ASTN1: variants seen among roughly 807,000 people sequenced by gnomAD.
ASTN1 encodes the protein astrotactin 1, also known as astrotactin-1.
ASTN1 carries 41 observed loss-of-function variants against 140.7 expected under a neutral mutation model. The observed-to-expected ratio is 0.29, with a 90% CI of 0.23 to 0.38. ASTN1 has a LOEUF of 0.38. Ranked by LOEUF, ASTN1 falls within the 10% of genes least tolerant of loss-of-function variation. The probability of loss-of-function intolerance (pLI) is 1.00; values close to 1 mark genes in which losing one functional copy is unlikely to be tolerated. For synonymous variants in ASTN1, 640 were observed against 652.2 expected (o/e 0.98, Z 0.29); for missense variants, 1,479 against 1,678.8 (o/e 0.88, Z 2.08).
intron 14 of ASTN1, among the ~76,000 whole-genome samples, chr1:176,937,663 G>C (rs1419631022): frequency 6.6e-6 from 1 of 152,020 alleles, no homozygotes; most frequent in East Asian, 1.9e-4. Flanking sequence ...TTTGCTATAT[G>C]TGTAAGTTAT....
At chr1:177,143,632 TTGAAA>T (rs1280923662) in intron 1 of ASTN1, among the ~76,000 whole-genome samples, 5 of 152,224 alleles carry the variant, frequency 3.3e-5, no homozygotes. Context: ...AATATGCCAC[TTGAAA>T]TGAAAGTCAC....
At chr1:177,048,329 G>A (rs954669856) in intron 2 of ASTN1, among the ~76,000 whole-genome samples, 2 of 152,170 alleles carry the variant, frequency 1.3e-5, no homozygotes, top group Admixed American at 1.3e-4. Context: ...TGGCCCAAAA[G>A]GGGAGTCTGG....
At chr1:177,006,218 GCTT>G (rs1469256342) in intron 8 of ASTN1, among the ~76,000 whole-genome samples, 1 of 152,038 alleles carries the variant, frequency 6.6e-6, no homozygotes, top group Non-Finnish European at 1.5e-5. Flanking sequence ...TACTTTTAAT[GCTT>G]CTTTATACGT....
chr1:176,935,564 CTT>C (rs1671406258), intron 15 of ASTN1, among the ~76,000 whole-genome samples: 1 of 152,174 alleles, frequency 6.6e-6, no homozygotes. Flanking sequence ...ATGCACAAAA[CTT>C]TACCCTTTGT....
intron 16 of ASTN1, among the ~76,000 whole-genome samples, chr1:176,925,812 C>CTTT (rs10658674): frequency 0.011 from 1,499 of 142,488 alleles, 38 homozygotes; most frequent in African/African-American, 0.033. Flanking sequence ...TAAAGGCATT[C>CTTT]TTTTTTTTTT....
intron 8 of ASTN1, among the ~76,000 whole-genome samples, chr1:176,970,207 T>A (rs186078410): frequency 1.0e-3 from 159 of 152,232 alleles, no homozygotes; most frequent in Non-Finnish European, 1.5e-3. Flanking sequence ...TTAGTCTAGG[T>A]GATGTGTTGG....
At position 177,077,820 on chromosome 1, in the gene ASTN1, C is replaced by T. The variant is rs568878027; in HGVS notation, c.284-16555G>A. Reference sequence around the variant, plus strand: ...CCTGAGGCCCTTCATTTCACATGCCCCCCTAGAGGTGGGCACCTCACCCAA... The same window carrying T: ...CCTGAGGCCCTTCATTTCACATGCCTCCCTAGAGGTGGGCACCTCACCCAA... On this transcript the variant is annotated intron_variant, in intron 1 of 22. Coordinates refer to ENST00000361833, the MANE Select transcript of ASTN1 (RefSeq NM_004319.3). Among the ~76,000 whole-genome samples, 333 of 152,260 alleles carry T rather than the reference C, an allele frequency of 2.2e-3. 2 individuals are homozygous for T. The highest frequency in any genetic ancestry group is 3.6e-3 in the Non-Finnish European group (248 of 68,030).
At chr1:177,089,985 A>G (rs1171880517) in intron 1 of ASTN1, among the ~76,000 whole-genome samples, 2 of 151,902 alleles carry the variant, frequency 1.3e-5, no homozygotes, top group Non-Finnish European at 2.9e-5. Flanking sequence ...ACTCACATGA[A>G]CCTACATGTA....
chr1:176,865,157 G>T (rs1037786621), intron 22 of ASTN1, among the ~76,000 whole-genome samples: 2 of 152,184 alleles, frequency 1.3e-5, no homozygotes, highest in Admixed American at 6.5e-5. Context: ...CCCTCAGAAA[G>T]TCAGGAGGCC....
chr1:177,049,831 T>C (rs181010639), intron 2 of ASTN1, among the ~76,000 whole-genome samples: 91 of 152,014 alleles, frequency 6.0e-4, no homozygotes, highest in Middle Eastern at 3.4e-3. Flanking sequence ...CCAAGGAGGG[T>C]GGTCCTGCCG....
At position 176,862,232 on chromosome 1, in the gene ASTN1, G is replaced by C. The variant is rs753926769; in HGVS notation, c.*2052C>G. 8 of 985,440 alleles carry C rather than the reference G, an allele frequency of 8.1e-6. No individual in the cohort carries two copies. The highest frequency in any genetic ancestry group is 9.6e-6 in the Non-Finnish European group (8 of 829,964). The allele number at this position is 985,440 out of a possible 1,614,324, so 61.0% of individuals were successfully genotyped here. The stretch of plus-strand genomic sequence containing the variant: ...TTGCTTTGAAAGTAGGGGAATCTCT[G>C]AGGCAGGTGCATTAGAGAGTTTGAA... On this transcript the variant is annotated 3_prime_UTR_variant, in exon 23 of 23. Coordinates refer to ENST00000361833, the MANE Select transcript of ASTN1 (RefSeq NM_004319.3).
intron 1 of ASTN1, among the ~76,000 whole-genome samples, chr1:177,143,044 A>G (rs1314866405): frequency 6.6e-6 from 1 of 152,182 alleles, no homozygotes; most frequent in African/African-American, 2.4e-5. Context: ...CCTTCTAGCT[A>G]TCTGCACAGC....
chr1:177,149,551 A>G (rs1404248947), intron 1 of ASTN1, among the ~76,000 whole-genome samples: 1 of 83,510 alleles, frequency 1.2e-5, no homozygotes, highest in African/African-American at 7.0e-5. Context: ...TAGTATATAT[A>G]TAGTAAATAT....
chr1:177,114,680 G>C (rs939648670), intron 1 of ASTN1, among the ~76,000 whole-genome samples: 4 of 152,076 alleles, frequency 2.6e-5, no homozygotes, highest in Non-Finnish European at 5.9e-5. Context: ...GTGTGTGTGT[G>C]TTTAGTGCTA....
intron 8 of ASTN1, among the ~76,000 whole-genome samples, chr1:177,007,215 G>A (rs573823327): frequency 2.4e-4 from 36 of 152,070 alleles, no homozygotes; most frequent in Non-Finnish European, 4.4e-4. Flanking sequence ...CCAACATGGA[G>A]AAACCCTGTC....
intron 8 of ASTN1, among the ~76,000 whole-genome samples, chr1:176,981,924 G>C (rs1270772408): frequency 6.6e-6 from 1 of 152,174 alleles, no homozygotes; most frequent in Non-Finnish European, 1.5e-5. Flanking sequence ...GTAGGAATTA[G>C]CTTCATGAGA....
At chr1:177,001,383 A>G (rs76099714) in intron 8 of ASTN1, among the ~76,000 whole-genome samples, 1 of 152,202 alleles carries the variant, frequency 6.6e-6, no homozygotes, top group Non-Finnish European at 1.5e-5. Context: ...AGCATCATCA[A>G]TGTGAACAGG....
In ASTN1 at chr1:176,861,856, G is replaced by T; in HGVS notation, c.*2428C>A. The T allele has an allele frequency of 2.0e-6, 2 of 985,320 alleles. No individual in the cohort carries two copies. The highest frequency in any genetic ancestry group is 2.4e-6 in the Non-Finnish European group (2 of 829,872). The allele number at this position is 985,320 out of a possible 1,614,324, so 61.0% of individuals were successfully genotyped here. ...AACTTGGGAGACTGAGGGAAAGATA[G>T]GAGAGAGGAAGATAGTGTGCCTAAA... is the stretch of plus-strand genomic sequence containing the variant. On this transcript the variant is annotated 3_prime_UTR_variant, in exon 23 of 23. Coordinates refer to ENST00000361833, the MANE Select transcript of ASTN1 (RefSeq NM_004319.3).
At chr1:176,983,732 A>G (rs1269253246) in intron 8 of ASTN1, among the ~76,000 whole-genome samples, 8 of 152,150 alleles carry the variant, frequency 5.3e-5, no homozygotes, top group Non-Finnish European at 1.0e-4. Flanking sequence ...CATCAGCTCA[A>G]AATGTTTTCT....
Sources: allele counts gnomAD v4.1 joint callset (sites outside exome capture counted in the v4.1 genomes callset), GRCh38; gene constraint gnomAD v4.1.1; transcripts MANE v1.5; gene names NCBI Gene and HGNC (gene_info 2026-07-23, HGNC 2026-07-21).